Variants in DLG2 observed in about 807,000 individuals in gnomAD.
The protein encoded by DLG2 is discs large MAGUK scaffold protein 2, also known as disks large homolog 2.
DLG2 carries 45 observed loss-of-function variants against 132.5 expected under a neutral mutation model. That is an observed-to-expected ratio of 0.34 (90% confidence interval 0.27 to 0.44). The LOEUF (loss-of-function observed/expected upper bound fraction) is 0.44, where lower values mean the gene tolerates loss of function less well. Among genes scored for constraint, DLG2 ranks in the 20% least tolerant of loss-of-function variants. The pLI, the probability that DLG2 is intolerant of heterozygous loss-of-function variation, is 1.00. For synonymous variants in DLG2, 424 were observed against 419.6 expected, an observed-to-expected ratio of 1.01 and a Z score of -0.13; for missense variants, 1,045 against 1,196.9, an observed-to-expected ratio of 0.87 and a Z score of 1.87.
At chr11:84,655,967 CAG>C (rs1197658824) in intron 6 of DLG2, among the ~76,000 whole-genome samples, 3 of 152,086 alleles carry the variant, frequency 2.0e-5, no homozygotes, top group Non-Finnish European at 4.4e-5. Context: ...ATCTGGGCCT[CAG>C]AGTAGAAAGC....
intron 3 of DLG2, among the ~76,000 whole-genome samples, chr11:85,368,082 A>G (rs1173958452): frequency 1.3e-5 from 2 of 152,192 alleles, no homozygotes; most frequent in African/African-American, 2.4e-5. Flanking sequence ...CCTATCTTTG[A>G]AAGTTTACAT....
chr11:83,899,935 G>C (rs2072947599), intron 15 of DLG2, among the ~76,000 whole-genome samples: 1 of 152,166 alleles, frequency 6.6e-6, no homozygotes, highest in Admixed American at 6.6e-5. Context: ...CCTAGAGACT[G>C]GTTGAATGGC....
chr11:84,862,727 C>A (rs570164712), intron 6 of DLG2, among the ~76,000 whole-genome samples: 1 of 147,616 alleles, frequency 6.8e-6, no homozygotes, highest in African/African-American at 2.5e-5. Flanking sequence ...GAACAGAAAA[C>A]CAAACGTCGC....
chr11:84,438,327 G>A (rs1189599193), intron 7 of DLG2, among the ~76,000 whole-genome samples: 4 of 152,134 alleles, frequency 2.6e-5, no homozygotes, highest in Non-Finnish European at 4.4e-5. Flanking sequence ...GTGAAGGTCC[G>A]TAGTTTTAGA....
Position 83,874,446 on chromosome 11 carries a change from A to G in DLG2, c.1539T>C (p.Thr513=). 6.2e-7 allele frequency: 1 copy of G among 1,601,166 alleles called. No homozygotes were observed. Among genetic ancestry groups the G allele is most frequent in the Non-Finnish European group, 8.5e-7 (1 of 1,172,208 alleles). ...CTTCCAGGGAGACGGCCCGTTGGAG[A>G]GTCATTGAAGGCTGACGAGTTGCGG... The part of the protein sequence containing the change: ...HSTATRQPSM[T]LQRAVSLEGE... The change falls in exon 16 of 28, where the codon ACT becomes ACC. Residue 513 remains threonine (T), a synonymous_variant. Transcript: ENST00000376104.
chr11:84,240,981 T>G (rs1311087591), intron 8 of DLG2, among the ~76,000 whole-genome samples: 1 of 152,210 alleles, frequency 6.6e-6, no homozygotes, highest in Non-Finnish European at 1.5e-5. Context: ...CAACCTCATA[T>G]TATGCTATTG....
intron 6 of DLG2, among the ~76,000 whole-genome samples, chr11:84,990,907 A>G (rs2057025525): frequency 6.6e-6 from 1 of 152,146 alleles, no homozygotes; most frequent in African/African-American, 2.4e-5. Context: ...ATATTCACAC[A>G]GAAACCTGTA....
intron 6 of DLG2, among the ~76,000 whole-genome samples, chr11:84,707,329 T>G (rs2059892263): frequency 6.6e-6 from 1 of 151,854 alleles, no homozygotes; most frequent in South Asian, 2.1e-4. Context: ...TATTTGATTC[T>G]ACAAATCTCC....
At chr11:84,039,908 C>G (rs2096010049) in intron 11 of DLG2, among the ~76,000 whole-genome samples, 1 of 146,754 alleles carries the variant, frequency 6.8e-6, no homozygotes, top group African/African-American at 2.5e-5. Context: ...TAATGATTGC[C>G]ATTCTAACTG....
At chr11:85,204,736 G>T (rs1460629469) in intron 4 of DLG2, among the ~76,000 whole-genome samples, 1 of 151,642 alleles carries the variant, frequency 6.6e-6, no homozygotes, top group South Asian at 2.1e-4. Flanking sequence ...AGCAATCCTG[G>T]GCAAAAAGTA....
chr11:84,579,188 C>CGTGTATGTGT (rs1555057730), intron 6 of DLG2, among the ~76,000 whole-genome samples: 9,840 of 145,658 alleles, frequency 0.068, 404 homozygotes, highest in Middle Eastern at 0.1. Flanking sequence ...GCATTATTCA[C>CGTGTATGTGT]GTGTGTGTGT....
chr11:85,206,091 C>A (rs1240157001), intron 4 of DLG2, among the ~76,000 whole-genome samples: 1 of 151,986 alleles, frequency 6.6e-6, no homozygotes, highest in Non-Finnish European at 1.5e-5. Flanking sequence ...ATAATGAGTT[C>A]TCATGAGATC....
intron 7 of DLG2, among the ~76,000 whole-genome samples, chr11:84,514,209 G>A (rs2099265555): frequency 6.6e-6 from 1 of 152,082 alleles, no homozygotes; most frequent in Admixed American, 6.6e-5. Flanking sequence ...TGGTGGGGAT[G>A]TGGAGAAAAG....
intron 6 of DLG2, among the ~76,000 whole-genome samples, chr11:85,094,408 C>T (rs538713381): frequency 9.8e-5 from 15 of 152,318 alleles, no homozygotes; most frequent in Admixed American, 3.3e-4. Context: ...CTAGGTAGCA[C>T]CTTCTTTCAT....
intron 3 of DLG2, among the ~76,000 whole-genome samples, chr11:85,500,369 T>C (rs1361664270): frequency 2.6e-5 from 3 of 113,240 alleles, no homozygotes; most frequent in Admixed American, 1.1e-4. Context: ...GGAAGGGGAA[T>C]ATCACACTCT....
rs1197276347 is a variant in DLG2 at position 83,875,710 on chromosome 11, T to C, written c.1497-1222A>G. Among the ~76,000 whole-genome samples the C allele has an allele frequency of 3.3e-5, 5 of 152,172 alleles. 1 individual carries two copies. Among genetic ancestry groups the C allele is most frequent in the Admixed American group, 2.0e-4 (3 of 15,264 alleles). ...CACATAATATATGAACAAGTGTATA[T>C]ATACATATATGTATAAAAGAAACCT... is the stretch of plus-strand genomic sequence containing the variant. On this transcript the variant is annotated intron_variant, in intron 15 of 27. Transcript: ENST00000376104.
chr11:85,159,010 A>T (rs1208842184), intron 4 of DLG2, among the ~76,000 whole-genome samples: 2 of 152,140 alleles, frequency 1.3e-5, no homozygotes, highest in Non-Finnish European at 1.5e-5. Flanking sequence ...TTGAGGAAGG[A>T]CCCTACTACA....
At chr11:84,743,253 C>T (rs1297421315) in intron 6 of DLG2, among the ~76,000 whole-genome samples, 2 of 151,976 alleles carry the variant, frequency 1.3e-5, no homozygotes, top group Non-Finnish European at 2.9e-5. Context: ...CCTAAAAACT[C>T]CCAGGAAAGA....
intron 3 of DLG2, among the ~76,000 whole-genome samples, chr11:85,504,049 G>A (rs930970685): frequency 6.6e-6 from 1 of 152,140 alleles, no homozygotes; most frequent in African/African-American, 2.4e-5. Context: ...CCCACTTTTT[G>A]AGGGGGATGT....
Sources: allele counts gnomAD v4.1 joint callset (sites outside exome capture counted in the v4.1 genomes callset), GRCh38; gene constraint gnomAD v4.1.1; transcripts MANE v1.5; gene names NCBI Gene and HGNC (gene_info 2026-07-23, HGNC 2026-07-21).